Variants in FBXO42 observed in about 807,000 individuals in gnomAD.
FBXO42 encodes the protein F-box only protein 42.
In FBXO42, 12 loss-of-function variants were observed where a neutral mutation model predicts 71.7. The ratio of observed to expected loss-of-function variants is 0.17; its 90% CI spans 0.11 to 0.27. FBXO42 has a LOEUF of 0.27. Among genes scored for constraint, FBXO42 ranks in the 10% least tolerant of loss-of-function variants. The probability of loss-of-function intolerance (pLI) is 1.00; values close to 1 mark genes in which losing one functional copy is unlikely to be tolerated. For missense variants in FBXO42, 707 were observed against 911.9 expected, an observed-to-expected ratio of 0.78 and a Z score of 2.89; for synonymous variants, 325 against 327.5, an observed-to-expected ratio of 0.99 and a Z score of 0.08.
chr1:16,252,367 C>A lies in FBXO42; in HGVS notation c.959G>T (p.Gly320Val). ...CTTGAGTGGCTGCCAGGCCCAAGGACCAGAATGCATGTGCAACAACCAAGC... is the reference window on the plus strand; with the variant it reads ...CTTGAGTGGCTGCCAGGCCCAAGGAACAGAATGCATGTGCAACAACCAAGC... Reference protein sequence around the residue: ...KDAWLLHMHSGPWAWQPLKVE... With the variant: ...KDAWLLHMHSVPWAWQPLKVE... Residue 320 changes from glycine to valine, a missense_variant, in exon 9 of 10, where the codon GGT becomes GTT. Around this residue, in one of 5 missense-constraint regions of FBXO42, gnomAD observed 482 missense variants for 587.1 expected, o/e 0.82. Coordinates refer to ENST00000375592, the MANE Select transcript of FBXO42 (RefSeq NM_018994.3). The surrounding 1 kb of genome is among the most constrained non-coding windows in gnomAD (Gnocchi z 4.4). The A allele has an allele frequency of 6.2e-7, 1 of 1,614,114 alleles. No individual in the cohort carries two copies. Among genetic ancestry groups the A allele is most frequent in the South Asian group, 1.1e-5 (1 of 91,084 alleles).
chr1:16,302,554 G>C (rs2082205925), intron 3 of FBXO42, among the ~76,000 whole-genome samples: 1 of 152,116 alleles, frequency 6.6e-6, no homozygotes. Flanking sequence ...CTGTTGCCCA[G>C]GCTGTAGTGC....
At position 16,249,814 on chromosome 1, in the gene FBXO42, G is replaced by C. The variant is rs897448840; in HGVS notation, c.*856C>G. 1.3e-5 allele frequency: 2 copies of C among 151,858 alleles called. No homozygotes were observed. Among genetic ancestry groups the C allele is most frequent in the African/African-American group, 2.4e-5 (1 of 41,336 alleles). 9.4% of individuals were successfully genotyped at this position (151,858 alleles called of 1,614,324 possible). A position where few individuals can be genotyped will look rare whatever the true frequency, so the allele number is the denominator to read the frequency against. The stretch of plus-strand genomic sequence containing the variant: ...AAAAAAGAAAAGAAAAAAGGTAGAA[G>C]AAAAAAGCAGCCTGTAAGTGAATGG... On this transcript the variant is annotated 3_prime_UTR_variant, in exon 10 of 10. Transcript: ENST00000375592.
At chr1:16,325,455 T>C (rs2082441660) in intron 1 of FBXO42, among the ~76,000 whole-genome samples, 1 of 152,156 alleles carries the variant, frequency 6.6e-6, no homozygotes. Flanking sequence ...TTGTTGCTAT[T>C]AGCAAACTGT....
At chr1:16,349,515 T>C (rs2082680827) in intron 1 of FBXO42, among the ~76,000 whole-genome samples, 2 of 152,224 alleles carry the variant, frequency 1.3e-5, no homozygotes. Flanking sequence ...TGATCCACAT[T>C]AACAATCGTG....
At chr1:16,292,066 G>C (rs900130100) in intron 4 of FBXO42, among the ~76,000 whole-genome samples, 5 of 152,210 alleles carry the variant, frequency 3.3e-5, no homozygotes, top group African/African-American at 1.2e-4. Context: ...TGCAGATTAG[G>C]ATGAGGGAGT....
Position 16,251,376 on chromosome 1 carries a change from G to A in FBXO42, c.1448C>T (p.Ala483Val). ...ATCTGGTAGTGATCCTCGTCGGGGG[G>A]CCAAAGAAAGTCCTATTTTCAGGTC... ...GYDLKIGLSL[A>V]PRRGSLPDQK... The change falls in exon 10 of 10, where the codon GCC becomes GTC. Residue 483 changes from alanine to valine, a missense_variant. Physicochemically the swap from Ala to Val is moderately conservative, Grantham distance 64. This residue lies in a region of FBXO42 where 482 missense variants were observed against 587.1 expected (regional missense o/e 0.82). Coordinates refer to ENST00000375592, the MANE Select transcript of FBXO42 (RefSeq NM_018994.3). This position sits in a 1 kb window ranked among gnomAD's most constrained non-coding sequence, Gnocchi z 4.5. The A allele has an allele frequency of 6.2e-7, 1 of 1,614,150 alleles. No homozygotes were observed. The highest frequency in any genetic ancestry group is 8.5e-7 in the Non-Finnish European group (1 of 1,180,030).
At chr1:16,317,503 G>A (rs2082379000) in intron 1 of FBXO42, among the ~76,000 whole-genome samples, 1 of 152,014 alleles carries the variant, frequency 6.6e-6, no homozygotes, top group South Asian at 2.1e-4. Context: ...GGATGAGGCA[G>A]GAGAATCACT....
Position 16,251,861 on chromosome 1 carries a change from G to A in FBXO42, c.1039-76C>T, listed in dbSNP as rs2081595777. The A allele has an allele frequency of 2.0e-5, 31 of 1,516,902 alleles. No homozygotes were observed. Among genetic ancestry groups the A allele is most frequent in the South Asian group, 1.8e-4 (14 of 77,944 alleles). The allele number at this position is 1,516,902 out of a possible 1,614,324, so 94.0% of individuals were successfully genotyped here. On this transcript the variant is annotated intron_variant, in intron 9 of 9. Coordinates refer to ENST00000375592, the MANE Select transcript of FBXO42 (RefSeq NM_018994.3). The surrounding 1 kb of genome is among the most constrained non-coding windows in gnomAD (Gnocchi z 4.5). ...ATTCAACTGTCAAACATTTTATCAT[G>A]AGCATCTGTCATGTGCCAGACATTT... is the stretch of plus-strand genomic sequence containing the variant.
chr1:16,256,697 A>T lies in FBXO42; in HGVS notation c.565T>A (p.Phe189Ile). The change falls in exon 5 of 10, where the codon TTT (phenylalanine) becomes ATT (isoleucine). Residue 189 changes from phenylalanine to isoleucine, a missense_variant. Physicochemically the swap from Phe to Ile is conservative, Grantham distance 21. Coordinates refer to ENST00000375592, the MANE Select transcript of FBXO42 (RefSeq NM_018994.3). ...LVVYKDLLVL[F>I]GGWTRPSPYP... Reference sequence around the variant, plus strand: ...GGGCTTGGCCGCGTCCAGCCACCAAACAGCACTAGCAAGTCCTTGTACACG... The same window carrying T: ...GGGCTTGGCCGCGTCCAGCCACCAATCAGCACTAGCAAGTCCTTGTACACG... The T allele has an allele frequency of 6.2e-7, 1 of 1,614,192 alleles. No homozygotes were observed. Among genetic ancestry groups the T allele is most frequent in the South Asian group, 1.1e-5 (1 of 91,086 alleles).
At chr1:16,300,674 G>A (rs796927102) in intron 3 of FBXO42, among the ~76,000 whole-genome samples, 6 of 152,150 alleles carry the variant, frequency 3.9e-5, no homozygotes, top group Admixed American at 1.3e-4. Context: ...AAGCAAGGGC[G>A]GTTATCCAGT....
In FBXO42 at chr1:16,294,780, T is replaced by C. The variant is rs1401000439; in HGVS notation, c.502+3A>G. 2 of 1,613,352 alleles carry C rather than the reference T, an allele frequency of 1.2e-6. No individual in the cohort carries two copies. Among genetic ancestry groups the C allele is most frequent in the Admixed American group, 1.7e-5 (1 of 59,786 alleles). On this transcript the variant is annotated splice_donor_region_variant and intron_variant, in intron 4 of 9. Transcript: ENST00000375592. ...AGGCAAAGATCAGCATTTCATCTCT[T>C]ACCTGAAGCCAAAGGTCGGATCCAC... is the stretch of plus-strand genomic sequence containing the variant.
chr1:16,315,026 G>T, intron 2 of FBXO42, 143 bp downstream of exon 2: 1 of 834,962 alleles, frequency 1.2e-6, no homozygotes, highest in Non-Finnish European at 1.8e-6. Flanking sequence ...ACCAGGGTAA[G>T]AAAGAAAACC....
intron 1 of FBXO42, among the ~76,000 whole-genome samples, chr1:16,333,831 C>T (rs1319488642): frequency 6.6e-6 from 1 of 152,074 alleles, no homozygotes; most frequent in Non-Finnish European, 1.5e-5. Flanking sequence ...AGTGTTATGG[C>T]TGAAAACTGT....
chr1:16,290,104 G>A (rs1435725666), intron 4 of FBXO42, among the ~76,000 whole-genome samples: 1 of 152,186 alleles, frequency 6.6e-6, no homozygotes, highest in Non-Finnish European at 1.5e-5. Flanking sequence ...AGTACTAGCT[G>A]TGGGTCTCTT....
intron 1 of FBXO42, among the ~76,000 whole-genome samples, chr1:16,345,956 T>A (rs957444679): frequency 2.0e-5 from 3 of 150,098 alleles, no homozygotes; most frequent in Admixed American, 6.6e-5. Context: ...TGACAAAAAA[T>A]AAGGAAGCAC....
At chr1:16,263,622 C>G (rs1272427162) in intron 4 of FBXO42, among the ~76,000 whole-genome samples, 1 of 151,138 alleles carries the variant, frequency 6.6e-6, no homozygotes, top group Non-Finnish European at 1.5e-5. Context: ...TCTTGTGAGG[C>G]TGAGGCAGGA....
chr1:16,251,040 C>T lies in FBXO42; in HGVS notation c.1784G>A (p.Ser595Asn). 6.2e-7 allele frequency: 1 copy of T among 1,614,228 alleles called. No individual in the cohort carries two copies. The highest frequency in any genetic ancestry group is 8.5e-7 in the Non-Finnish European group (1 of 1,180,048). ...GCGAGGGATGGGCACTGTTTCTCCA[C>T]TGCTCAAACTCTGGCTCCCAGGAGA... ...PGSPGSQSLSSGETVPIPRPG... is the reference protein window; with the variant it reads ...PGSPGSQSLSNGETVPIPRPG... The change falls in exon 10 of 10, where the codon AGT (serine) becomes AAT (asparagine). Residue 595 changes from serine to asparagine, a missense_variant. Coordinates refer to ENST00000375592, the MANE Select transcript of FBXO42 (RefSeq NM_018994.3). The surrounding 1 kb of genome is among the most constrained non-coding windows in gnomAD (Gnocchi z 4.5).
chr1:16,349,860 A>G (rs2082683524), intron 1 of FBXO42, among the ~76,000 whole-genome samples: 1 of 152,256 alleles, frequency 6.6e-6, no homozygotes, highest in Non-Finnish European at 1.5e-5. Context: ...TATGTCTCAA[A>G]AAACAAACAA....
Position 16,250,643 on chromosome 1 carries a change from C to A in FBXO42, c.*27G>T. 1 of 1,583,522 alleles carries A rather than the reference C, an allele frequency of 6.3e-7. No homozygotes were observed. ...CTGGAAAATTCCAAATTAAAAGCCACAGAAAAGGAAAGGGGTTTAGAACAC... is the reference window on the plus strand; with the variant it reads ...CTGGAAAATTCCAAATTAAAAGCCAAAGAAAAGGAAAGGGGTTTAGAACAC... On this transcript the variant is annotated 3_prime_UTR_variant, in exon 10 of 10. Transcript: ENST00000375592. The surrounding 1 kb of genome is among the most constrained non-coding windows in gnomAD (Gnocchi z 4.7).
Sources: allele counts gnomAD v4.1 joint callset (sites outside exome capture counted in the v4.1 genomes callset), GRCh38; gene constraint gnomAD v4.1.1; regional missense constraint gnomAD v4.1.1; non-coding constraint Gnocchi (gnomAD v3.1); transcripts MANE v1.5; gene names NCBI Gene and HGNC (gene_info 2026-07-23, HGNC 2026-07-21).